Variants in CBFA2T2 observed in about 807,000 individuals in gnomAD.
The protein encoded by CBFA2T2 is CBFA2/RUNX1 partner transcriptional co-repressor 2.
In CBFA2T2, 11 loss-of-function variants were observed where a neutral mutation model predicts 62.2. That is an observed-to-expected ratio of 0.18 (90% CI 0.11 to 0.29). The LOEUF is 0.29. Ranked by LOEUF, CBFA2T2 falls within the 10% of genes least tolerant of loss-of-function variation. CBFA2T2 has a pLI of 1.00. For synonymous variants in CBFA2T2, 295 were observed against 287.5 expected, an observed-to-expected ratio of 1.03 and a Z score of -0.27; for missense variants, 592 against 774.1, an observed-to-expected ratio of 0.76 and a Z score of 2.79.
intron 1 of CBFA2T2, among the ~76,000 whole-genome samples, chr20:33,538,436 A>G (rs1187851346): frequency 6.6e-6 from 1 of 151,988 alleles, no homozygotes; most frequent in Admixed American, 6.6e-5. Flanking sequence ...CAGTGGCCCA[A>G]TCTCGGCTCA....
intron 1 of CBFA2T2, among the ~76,000 whole-genome samples, chr20:33,500,106 C>T (rs1023125503): frequency 3.3e-5 from 5 of 151,956 alleles, no homozygotes; most frequent in African/African-American, 1.2e-4. Flanking sequence ...TACAGGCGCC[C>T]GTCACCACAC....
At chr20:33,619,203 C>T (rs1309060700) in intron 3 of CBFA2T2, among the ~76,000 whole-genome samples, 1 of 152,048 alleles carries the variant, frequency 6.6e-6, no homozygotes, top group Non-Finnish European at 1.5e-5. Context: ...AGCGAGACTG[C>T]ATCTCTACTA....
intron 4 of CBFA2T2, among the ~76,000 whole-genome samples, chr20:33,622,250 T>C (rs1191128385): frequency 6.6e-5 from 10 of 152,214 alleles, no homozygotes; most frequent in Non-Finnish European, 1.5e-4. Context: ...TTATTTCTGC[T>C]TTAAAACAGT....
chr20:33,558,762 T>C (rs182473519), intron 1 of CBFA2T2, among the ~76,000 whole-genome samples: 150 of 152,184 alleles, frequency 9.9e-4, no homozygotes, highest in Middle Eastern at 3.4e-3. Flanking sequence ...ATTCCAGATA[T>C]ATTATTTTGT....
chr20:33,596,570 T>A (rs2014900189), intron 1 of CBFA2T2, among the ~76,000 whole-genome samples: 4 of 152,236 alleles, frequency 2.6e-5, no homozygotes, highest in Admixed American at 2.6e-4. Flanking sequence ...AGTCTCTTTT[T>A]TTAGTTTCTT....
intron 1 of CBFA2T2, among the ~76,000 whole-genome samples, chr20:33,586,590 G>A (rs920190190): frequency 2.0e-5 from 3 of 152,108 alleles, no homozygotes; most frequent in African/African-American, 7.2e-5. Context: ...GCAGATTTTT[G>A]CATTGGCTGT....
At chr20:33,551,262 G>A (rs2012734749) in intron 1 of CBFA2T2, among the ~76,000 whole-genome samples, 1 of 151,272 alleles carries the variant, frequency 6.6e-6, no homozygotes, top group South Asian at 2.1e-4. Flanking sequence ...TGTCGCCCAG[G>A]CTGGAGTGCA....
At position 33,589,697 on chromosome 20, in the gene CBFA2T2, C is replaced by G. The variant is rs2014529035; in HGVS notation, c.35-17259C>G. On this transcript the variant is annotated intron_variant, in intron 1 of 10. Transcript: ENST00000342704. ...AGGAAATATCCCCACTATCAGAGAG[C>G]TAACAGAGCCTCAATTTCAATCCTG... Among the ~76,000 whole-genome samples, 3 of 152,150 alleles carry G rather than the reference C, an allele frequency of 2.0e-5. No homozygotes were observed. In the South Asian group the frequency reaches 6.2e-4, roughly 31 times the overall value.
chr20:33,545,613 AT>A (rs1315092294), intron 1 of CBFA2T2, among the ~76,000 whole-genome samples: 1 of 152,124 alleles, frequency 6.6e-6, no homozygotes, highest in Non-Finnish European at 1.5e-5. Context: ...TGCCTGGCTA[AT>A]TTTTTGTATT....
rs1334089800 is a variant in CBFA2T2, at chr20:33,575,208, A to C, written c.35-31748A>C. Among the ~76,000 whole-genome samples the C allele has an allele frequency of 2.6e-5, 4 of 152,340 alleles. No homozygotes were observed. The East Asian group carries it at 7.7e-4, about 29-fold the overall frequency. On this transcript the variant is annotated intron_variant, in intron 1 of 10. Coordinates refer to ENST00000342704, the MANE Select transcript of CBFA2T2 (RefSeq NM_001032999.3). ...TTGTATCTGATGCCAGTGTTCTGAA[A>C]CACTTATTTTCTAGTCAACAGTAGG...
At chr20:33,517,767 C>G (rs1419043826) in intron 1 of CBFA2T2, among the ~76,000 whole-genome samples, 1 of 151,604 alleles carries the variant, frequency 6.6e-6, no homozygotes, top group Non-Finnish European at 1.5e-5. Flanking sequence ...GACTCAGCCT[C>G]CCGAGTAGCT....
intron 1 of CBFA2T2, among the ~76,000 whole-genome samples, chr20:33,559,314 T>G (rs1322390679): frequency 6.6e-6 from 1 of 151,598 alleles, no homozygotes; most frequent in Non-Finnish European, 1.5e-5. Context: ...GCTGGAACTA[T>G]AGGCATGTGC....
chr20:33,613,207 T>C (rs1159199248), intron 3 of CBFA2T2, among the ~76,000 whole-genome samples: 1 of 152,272 alleles, frequency 6.6e-6, no homozygotes, highest in Non-Finnish European at 1.5e-5. Flanking sequence ...TTATTTTCAT[T>C]GCTATATAGT....
chr20:33,510,979 G>A (rs1269288112), intron 1 of CBFA2T2, among the ~76,000 whole-genome samples: 3 of 152,138 alleles, frequency 2.0e-5, no homozygotes, highest in Non-Finnish European at 4.4e-5. Context: ...TTTTGATGGG[G>A]TTGTTTGTTT....
At chr20:33,630,038 A>G in intron 8 of CBFA2T2, 124 bp downstream of exon 8, 1 of 819,572 alleles carries the variant, frequency 1.2e-6, no homozygotes, top group Non-Finnish European at 1.8e-6. Context: ...GATTTAGGGA[A>G]ACTCAGGTGA....
At chr20:33,554,982 T>A (rs537687629) in intron 1 of CBFA2T2, among the ~76,000 whole-genome samples, 1 of 152,232 alleles carries the variant, frequency 6.6e-6, no homozygotes, top group South Asian at 2.1e-4. Context: ...TTAGCAGAAT[T>A]TAGGTGAGCA....
At chr20:33,554,552 TTTTC>T (rs1277387454) in intron 1 of CBFA2T2, among the ~76,000 whole-genome samples, 5 of 149,868 alleles carry the variant, frequency 3.3e-5, no homozygotes, top group Admixed American at 6.6e-5. Flanking sequence ...CCCGGCCTAT[TTTTC>T]TTTTTTCTTT....
intron 3 of CBFA2T2, among the ~76,000 whole-genome samples, chr20:33,614,632 T>C (rs1786413641): frequency 6.6e-6 from 1 of 152,194 alleles, no homozygotes; most frequent in Non-Finnish European, 1.5e-5. Flanking sequence ...CTACTCTAGG[T>C]ACCTCATACA....
chr20:33,576,683 A>T (rs770895805), intron 1 of CBFA2T2, among the ~76,000 whole-genome samples: 7 of 152,390 alleles, frequency 4.6e-5, no homozygotes, highest in Middle Eastern at 3.4e-3. Context: ...TGAGGCAGCC[A>T]CCAGGAGGGC....
Sources: gnomAD v4.1 joint callset for allele counts (sites outside exome capture counted in the v4.1 genomes callset) on GRCh38, gnomAD v4.1.1 for gene constraint, MANE v1.5 for transcripts, NCBI Gene and HGNC (gene_info 2026-07-23, HGNC 2026-07-21) for gene names.